Variants in CYB5R3 observed in about 807,000 individuals in gnomAD.
The protein encoded by CYB5R3 is NADH-cytochrome b5 reductase 3.
In CYB5R3, 28 loss-of-function variants were observed where a neutral mutation model predicts 36.5. That is an observed-to-expected ratio of 0.77 (90% CI 0.57 to 1.05). The LOEUF is 1.05. CYB5R3 is among the 50% of genes least tolerant of loss of function. The pLI is 0.00. For synonymous variants in CYB5R3, 181 were observed against 159.8 expected, an observed-to-expected ratio of 1.13 and a Z score of -1.00; for missense variants, 474 against 408.9, an observed-to-expected ratio of 1.16 and a Z score of -1.37.
intron 7 of CYB5R3, among the ~76,000 whole-genome samples, chr22:42,626,879 G>C (rs1326644736): frequency 6.6e-6 from 1 of 152,220 alleles, no homozygotes; most frequent in Non-Finnish European, 1.5e-5. Context: ...TCAGGAGCCA[G>C]AGACACCAAC....
intron 2 of CYB5R3, among the ~76,000 whole-genome samples, chr22:42,634,424 G>T (rs143543844): frequency 6.6e-6 from 1 of 151,888 alleles, no homozygotes; most frequent in African/African-American, 2.4e-5. Flanking sequence ...TCTGGGAGGT[G>T]GTGATTTACT....
At chr22:42,646,322 G>C (rs996941274) in intron 1 of CYB5R3, among the ~76,000 whole-genome samples, 4 of 152,144 alleles carry the variant, frequency 2.6e-5, no homozygotes, top group African/African-American at 4.8e-5. Flanking sequence ...TGCCCCACCA[G>C]GGAACCCATC....
At chr22:42,631,353 T>C in intron 3 of CYB5R3, 25 bp downstream of exon 3, 1 of 1,548,586 alleles carries the variant, frequency 6.5e-7, no homozygotes, top group Non-Finnish European at 8.7e-7. Flanking sequence ...GGGCTCCGAA[T>C]GGGCCCAGCA....
intron 1 of CYB5R3, among the ~76,000 whole-genome samples, chr22:42,643,758 G>C (rs1441004609): frequency 6.6e-6 from 1 of 152,162 alleles, no homozygotes; most frequent in African/African-American, 2.4e-5. Context: ...GTTGGCAGCT[G>C]TGGACTTGGG....
chr22:42,621,825 C>G (rs988701202), intron 8 of CYB5R3, among the ~76,000 whole-genome samples: 138 of 152,368 alleles, frequency 9.1e-4, no homozygotes, highest in African/African-American at 3.2e-3. Flanking sequence ...AACCCTGCCT[C>G]GCAGCAAGCT....
At position 42,618,948 on chromosome 22, in the gene CYB5R3, C is replaced by G. The variant is rs1429563540; in HGVS notation, c.*825G>C. ...TGATATGTCCCTCAGACAAGAGGCA[C>G]TGCTCAGAATCCCCCTGTGCTGGGG... On this transcript the variant is annotated 3_prime_UTR_variant, in exon 9 of 9. Coordinates refer to ENST00000352397, the MANE Select transcript of CYB5R3 (RefSeq NM_000398.7). 2 of 152,292 alleles carry G rather than the reference C, an allele frequency of 1.3e-5. No individual in the cohort carries two copies. Among genetic ancestry groups the G allele is most frequent in the African/African-American group, 4.8e-5 (2 of 41,450 alleles). 9.4% of individuals were successfully genotyped at this position (152,292 alleles called of 1,614,324 possible).
intron 1 of CYB5R3, among the ~76,000 whole-genome samples, chr22:42,638,807 G>T (rs1391586404): frequency 3.3e-5 from 5 of 149,266 alleles, no homozygotes; most frequent in African/African-American, 1.2e-4. Context: ...CTGAGGCGGG[G>T]GGATCATCTG....
At chr22:42,635,745 G>T (rs1261574646) in intron 2 of CYB5R3, among the ~76,000 whole-genome samples, 1 of 152,264 alleles carries the variant, frequency 6.6e-6, no homozygotes, top group South Asian at 2.1e-4. Flanking sequence ...GGCAGATGAT[G>T]TTCTCTGCTG....
intron 2 of CYB5R3, among the ~76,000 whole-genome samples, chr22:42,636,314 G>C (rs911750609): frequency 6.6e-5 from 10 of 152,212 alleles, no homozygotes; most frequent in Admixed American, 4.6e-4. Flanking sequence ...AATCTGCACA[G>C]ATGTGAAAGG....
At chr22:42,638,761 G>A (rs1043545723) in intron 1 of CYB5R3, among the ~76,000 whole-genome samples, 6 of 92,642 alleles carry the variant, frequency 6.5e-5, no homozygotes, top group Admixed American at 3.4e-4. Context: ...GGCCGGGCGC[G>A]GTGGCTCACG....
chr22:42,628,698 A>G (rs1035693467), intron 4 of CYB5R3, among the ~76,000 whole-genome samples: 1 of 152,162 alleles, frequency 6.6e-6, no homozygotes, highest in Non-Finnish European at 1.5e-5. Flanking sequence ...TGCTGTCGCT[A>G]AAAACCTCCC....
intron 1 of CYB5R3, among the ~76,000 whole-genome samples, chr22:42,644,148 T>C (rs1929423047): frequency 6.6e-6 from 1 of 152,090 alleles, no homozygotes. Flanking sequence ...GGACTCTCAA[T>C]GTCCAGCCCA....
chr22:42,645,773 G>A (rs116202786), intron 1 of CYB5R3, among the ~76,000 whole-genome samples: 147 of 152,262 alleles, frequency 9.7e-4, no homozygotes, highest in African/African-American at 3.5e-3. Context: ...AAAGAGAAGG[G>A]GTGGGCTTTT....
At chr22:42,638,396 C>CAA (rs1206825251) in intron 1 of CYB5R3, among the ~76,000 whole-genome samples, 4,526 of 36,102 alleles carry the variant, frequency 0.13, 532 homozygotes, top group Middle Eastern at 0.21. Context: ...AACTCCATCT[C>CAA]AAAAAAAAAA....
intron 8 of CYB5R3, 105 bp from the exon 9 acceptor site, chr22:42,620,050 A>G: frequency 8.8e-7 from 1 of 1,142,578 alleles, no homozygotes; most frequent in South Asian, 1.3e-5. Context: ...AAGAATGGAG[A>G]GGCTGATCCC....
At position 42,630,966 on chromosome 22, in the gene CYB5R3, A is replaced by T; in HGVS notation, c.249T>A (p.Ala83=). ...LPVGQHIYLS[A]RIDGNLVVRP... ...GGACGACCAGGTTTCCATCAATTCG[A>T]GCCGAGAGGTAGATGTGCTGGCCTG... is the stretch of plus-strand genomic sequence containing the variant. The change falls in exon 4 of 9, where the codon GCT becomes GCA. Residue 83 remains alanine, a synonymous_variant. Transcript: ENST00000352397. 6.2e-7 allele frequency: 1 copy of T among 1,613,896 alleles called. No homozygotes were observed. The highest frequency in any genetic ancestry group is 1.7e-4 in the Middle Eastern group (1 of 6,060).
Position 42,621,655 on chromosome 22 carries a change from G to GT in CYB5R3, c.734-1711dup, listed in dbSNP as rs1419096243. Reference sequence around the variant, plus strand: ...ACCCAACTATTCCTCTCATTGGCAGGTAACTGTCCCGTGGTGGTGGTGCAG... The same window carrying GT: ...ACCCAACTATTCCTCTCATTGGCAGGTTAACTGTCCCGTGGTGGTGGTGCAG... On this transcript the variant is annotated intron_variant, in intron 8 of 8. Coordinates refer to ENST00000352397, the MANE Select transcript of CYB5R3 (RefSeq NM_000398.7). Among the ~76,000 whole-genome samples the GT allele has an allele frequency of 2.0e-5, 3 of 152,378 alleles. No homozygotes were observed. In the East Asian group the frequency reaches 5.8e-4, roughly 29 times the overall value.
chr22:42,628,632 T>C (rs1443965399), intron 4 of CYB5R3, among the ~76,000 whole-genome samples: 3 of 152,216 alleles, frequency 2.0e-5, no homozygotes, highest in Non-Finnish European at 2.9e-5. Context: ...GTCAAGGCTC[T>C]GGGAGGCCCA....
intron 7 of CYB5R3, 84 bp downstream of exon 7, chr22:42,627,220 A>T: frequency 4.5e-6 from 5 of 1,117,212 alleles, no homozygotes; most frequent in Non-Finnish European, 6.7e-6. Flanking sequence ...AGAGCTGTGC[A>T]GACCCCTGGA....
Sources: gnomAD v4.1 joint callset for allele counts (sites outside exome capture counted in the v4.1 genomes callset) on GRCh38, gnomAD v4.1.1 for gene constraint, MANE v1.5 for transcripts, NCBI Gene and HGNC (gene_info 2026-07-23, HGNC 2026-07-21) for gene names.